The following DCK variants were observed in gnomAD, a reference collection of about 807,000 sequenced individuals.
The protein encoded by DCK is deoxycytidine kinase, also known as deoxyadenosine kinase.
In DCK, 23 loss-of-function variants were observed where a neutral mutation model predicts 38.3. The ratio of observed to expected loss-of-function variants is 0.60; its 90% CI spans 0.43 to 0.85. The LOEUF is 0.85. Among genes scored for constraint, DCK ranks in the 40% least tolerant of loss-of-function variants. The probability of loss-of-function intolerance (pLI) is 0.00; values close to 1 mark genes in which losing one functional copy is unlikely to be tolerated. For synonymous variants in DCK, 108 were observed against 100.6 expected (o/e 1.07, Z -0.44); for missense variants, 259 against 304.4 (o/e 0.85, Z 1.11).
intron 2 of DCK, among the ~76,000 whole-genome samples, chr4:71,019,863 G>T (rs931043554): frequency 1.3e-5 from 2 of 151,854 alleles, no homozygotes; most frequent in East Asian, 3.9e-4. Context: ...CTCAGCTCAC[G>T]GCAACTTCTG....
In DCK at chr4:70,998,151, G is replaced by T. The variant is rs764136160; in HGVS notation, c.176G>T (p.Cys59Phe). The T allele has an allele frequency of 6.3e-7, 1 of 1,599,830 alleles. No individual in the cohort carries two copies. Among genetic ancestry groups the T allele is most frequent in the Non-Finnish European group, 8.6e-7 (1 of 1,169,520 alleles). The change falls in exon 2 of 7, where the codon TGC becomes TTC. Residue 59 changes from cysteine (C) to phenylalanine (F), a missense_variant. By Grantham distance (205) the Cys-to-Phe change is radical (BLOSUM62 -2). This residue lies in a region of DCK where 159 missense variants were observed against 159.0 expected (regional missense o/e 1.00). Coordinates refer to ENST00000286648, the MANE Select transcript of DCK (RefSeq NM_000788.3). ...GTTCCTGAACCTGTTGCCAGATGGTGCAATGTTCAAAGTACTCAAGATGAA... is the reference window on the plus strand; with the variant it reads ...GTTCCTGAACCTGTTGCCAGATGGTTCAATGTTCAAAGTACTCAAGATGAA... ...EVVPEPVARW[C>F]NVQSTQDEFE...
At chr4:71,011,605 G>T (rs1275989694) in intron 2 of DCK, among the ~76,000 whole-genome samples, 1 of 152,116 alleles carries the variant, frequency 6.6e-6, no homozygotes, top group Admixed American at 6.5e-5. Context: ...CAATCCGCCT[G>T]CCTCGGCCTC....
chr4:70,993,662 G>T lies in DCK; in HGVS notation c.-174G>T. The stretch of plus-strand genomic sequence containing the variant: ...CGCAGGCCCGCCAGTGTCCTCAGCT[G>T]CCTCCGCGCGCCAAAGTCAAACCCC... On this transcript the variant is annotated 5_prime_UTR_variant, in exon 1 of 7. Coordinates refer to ENST00000286648, the MANE Select transcript of DCK (RefSeq NM_000788.3). 3 of 557,260 alleles carry T rather than the reference G, an allele frequency of 5.4e-6. No individual in the cohort carries two copies. The highest frequency in any genetic ancestry group is 4.8e-4 in the Middle Eastern group (1 of 2,098). The allele number at this position is 557,260 out of a possible 1,614,324, so 34.5% of individuals were successfully genotyped here.
chr4:70,993,978 G>A (rs773680922), intron 1 of DCK, 52 bp downstream of exon 1: 85 of 1,302,828 alleles, frequency 6.5e-5, no homozygotes, highest in Non-Finnish European at 9.1e-5. Flanking sequence ...CGCGGCAGTG[G>A]CTGAAGCTTC....
chr4:71,003,347 C>T (rs1256614432), intron 2 of DCK, among the ~76,000 whole-genome samples: 1 of 152,158 alleles, frequency 6.6e-6, no homozygotes, highest in Non-Finnish European at 1.5e-5. Flanking sequence ...GATGGGCTTC[C>T]CTTTGTGGGT....
intron 2 of DCK, among the ~76,000 whole-genome samples, chr4:71,004,018 C>T (rs977573397): frequency 3.3e-5 from 5 of 152,284 alleles, no homozygotes; most frequent in African/African-American, 1.2e-4. Context: ...AGTTGTGGTC[C>T]TTTGGAGGAG....
chr4:71,004,863 A>G (rs1363599150), intron 2 of DCK, among the ~76,000 whole-genome samples: 1 of 152,136 alleles, frequency 6.6e-6, no homozygotes, highest in Admixed American at 6.5e-5. Context: ...GGCAGTGAGA[A>G]TTTCAAGCCA....
chr4:70,996,328 C>A (rs1739658926), intron 1 of DCK, among the ~76,000 whole-genome samples: 2 of 152,028 alleles, frequency 1.3e-5, no homozygotes, highest in Non-Finnish European at 2.9e-5. Context: ...GTGCCACTGC[C>A]CTACAGCCTG....
intron 4 of DCK, among the ~76,000 whole-genome samples, chr4:71,024,687 T>A (rs1205957176): frequency 6.6e-6 from 1 of 152,082 alleles, no homozygotes; most frequent in Non-Finnish European, 1.5e-5. Context: ...ATTTCAAAAG[T>A]GAATTTTGAA....
At position 71,023,516 on chromosome 4, in the gene DCK, T is replaced by G. The variant is rs763212879; in HGVS notation, c.402-43T>G. On this transcript the variant is annotated intron_variant, in intron 3 of 6. Transcript: ENST00000286648. ...TTCTCTTTTTTATTTCTTTGTTGTTTTTTTTTGAAATGATACATGTGTTGA... is the reference window on the plus strand; with the variant it reads ...TTCTCTTTTTTATTTCTTTGTTGTTGTTTTTTGAAATGATACATGTGTTGA... 2.5e-5 allele frequency: 32 copies of G among 1,282,612 alleles called. No homozygotes were observed. In the Admixed American group the frequency reaches 7.5e-4, roughly 30 times the overall value. The allele number at this position is 1,282,612 out of a possible 1,614,324, so 79.5% of individuals were successfully genotyped here.
intron 2 of DCK, among the ~76,000 whole-genome samples, chr4:71,000,849 A>T (rs953523432): frequency 6.6e-6 from 1 of 152,096 alleles, no homozygotes; most frequent in Non-Finnish European, 1.5e-5. Context: ...AATGCTTGTG[A>T]TTTTTGCCCA....
chr4:71,017,835 G>A (rs561076369), intron 2 of DCK, among the ~76,000 whole-genome samples: 23 of 151,518 alleles, frequency 1.5e-4, no homozygotes, highest in African/African-American at 4.8e-4. Flanking sequence ...TGTAAATGGC[G>A]AGTTAATGGG....
intron 1 of DCK, among the ~76,000 whole-genome samples, chr4:70,995,904 T>G (rs920062296): frequency 2.6e-5 from 4 of 151,844 alleles, no homozygotes; most frequent in Non-Finnish European, 5.9e-5. Context: ...AATATTGGCC[T>G]GCACAGGTTG....
chr4:71,009,181 A>G (rs1233318440), intron 2 of DCK, among the ~76,000 whole-genome samples: 1 of 152,202 alleles, frequency 6.6e-6, no homozygotes, highest in Non-Finnish European at 1.5e-5. Context: ...AAAGAATCTC[A>G]AGGATTCGGG....
intron 1 of DCK, 56 bp from the exon 2 acceptor site, chr4:70,998,010 TG>T: frequency 1.2e-6 from 1 of 831,416 alleles, no homozygotes. Flanking sequence ...AATGACTACT[TG>T]ACATCTTTTT....
At chr4:71,013,784 G>T (rs945774657) in intron 2 of DCK, among the ~76,000 whole-genome samples, 1 of 152,110 alleles carries the variant, frequency 6.6e-6, no homozygotes, top group African/African-American at 2.4e-5. Flanking sequence ...AGGAACAAGC[G>T]GTACCAGCCA....
intron 2 of DCK, among the ~76,000 whole-genome samples, chr4:71,009,141 C>G (rs1740025276): frequency 6.6e-6 from 1 of 152,164 alleles, no homozygotes; most frequent in Non-Finnish European, 1.5e-5. Flanking sequence ...TACAAAATTT[C>G]TCATGTATTC....
chr4:71,011,150 C>G (rs900808522), intron 2 of DCK, among the ~76,000 whole-genome samples: 4 of 150,808 alleles, frequency 2.7e-5, no homozygotes, highest in African/African-American at 9.7e-5. Flanking sequence ...ACCATGTTGG[C>G]CAGGCTGGTC....
chr4:71,013,572 G>T (rs548416373), intron 2 of DCK, among the ~76,000 whole-genome samples: 2 of 152,154 alleles, frequency 1.3e-5, no homozygotes, highest in Admixed American at 6.6e-5. Flanking sequence ...CGGCAGAAAC[G>T]CTACAAGCCA....
Sources: allele counts gnomAD v4.1 joint callset (sites outside exome capture counted in the v4.1 genomes callset), GRCh38; gene constraint gnomAD v4.1.1; regional missense constraint gnomAD v4.1.1; transcripts MANE v1.5; gene names NCBI Gene and HGNC (gene_info 2026-07-23, HGNC 2026-07-21).